The following HR variants were observed in gnomAD, a reference collection of about 807,000 sequenced individuals.
HR encodes the protein HR lysine demethylase and nuclear receptor corepressor.
A neutral mutation model predicts 128.6 loss-of-function variants in HR; 83 were observed. The ratio of observed to expected loss-of-function variants is 0.65; its 90% CI spans 0.54 to 0.77. The LOEUF is 0.77. Ranked by LOEUF, HR falls within the 30% of genes least tolerant of loss-of-function variation. HR has a pLI of 0.00. For missense variants in HR, 1,490 were observed against 1,574.6 expected (o/e 0.95, Z 0.91); for synonymous variants, 681 against 658.2 (o/e 1.03, Z -0.53).
At chr8:22,124,503 C>G (rs57358213) in intron 5 of HR, among the ~76,000 whole-genome samples, 7,779 of 152,256 alleles carry the variant, frequency 0.051, 670 homozygotes, top group African/African-American at 0.18. Context: ...GGTGCAGGGG[C>G]CTCAGAGGTG....
In HR at chr8:22,119,163, C is replaced by A; in HGVS notation, c.3097+1G>T. ...GCTCCTGCCTCTGGCCGAGGACCTA[C>A]CTTTCTGTGCCCGGTGCCAGGCAGG... On this transcript the variant is annotated splice_donor_variant, in intron 15 of 18. Transcript: ENST00000381418. LOFTEE classifies it high-confidence loss of function. 6.2e-7 allele frequency: 1 copy of A among 1,613,856 alleles called. No homozygotes were observed. Among genetic ancestry groups the A allele is most frequent in the Non-Finnish European group, 8.5e-7 (1 of 1,180,026 alleles).
At chr8:22,126,346 A>G (rs1586383389) in intron 3 of HR, among the ~76,000 whole-genome samples, 1 of 152,180 alleles carries the variant, frequency 6.6e-6, no homozygotes, top group African/African-American at 2.4e-5. Context: ...ATCCCAAAGA[A>G]CTAAGGCTGG....
intron 16 of HR, chr8:22,118,462 A>G: frequency 5.8e-6 from 1 of 172,762 alleles, no homozygotes; most frequent in Non-Finnish European, 1.3e-5. Context: ...CAAATACCAA[A>G]AGGTGGGCAG....
rs182130564 is a variant in HR at position 22,122,524 on chromosome 8, C to T, written c.2090G>A (p.Arg697Gln). ...GCCTGCATCCCCGGGGGCCCATACCCGGGCATCAGCTTGGCAGGGGCAGTG... is the reference window on the plus strand; with the variant it reads ...GCCTGCATCCCCGGGGGCCCATACCTGGGCATCAGCTTGGCAGGGGCAGTG... ...RGHCPCQADA[R>Q]VWAPGDAGQQ... The change falls in exon 8 of 19, where the codon CGG becomes CAG. Residue 697 changes from arginine to glutamine, a missense_variant. Arg to Gln is a conservative substitution (Grantham distance 43). Coordinates refer to ENST00000381418, the MANE Select transcript of HR (RefSeq NM_005144.5). 2.4e-5 allele frequency: 38 copies of T among 1,611,306 alleles called. No individual in the cohort carries two copies. Among genetic ancestry groups the T allele is most frequent in the Middle Eastern group, 1.7e-4 (1 of 6,056 alleles).
At chr8:22,123,617 T>TTTGGGGGGCCC in intron 6 of HR, 32 bp downstream of exon 6, 1 of 292,092 alleles carries the variant, frequency 3.4e-6, no homozygotes, top group African/African-American at 2.8e-5. Flanking sequence ...GAGGGCTCCA[T>TTTGGGGGGCCC]CCCGCCCTCC....
In HR at chr8:22,115,781, A is replaced by T. The variant is rs1055588050; in HGVS notation, c.3508-19T>A. 1 of 1,613,252 alleles carries T rather than the reference A, an allele frequency of 6.2e-7. No homozygotes were observed. The highest frequency in any genetic ancestry group is 8.5e-7 in the Non-Finnish European group (1 of 1,179,446). The stretch of plus-strand genomic sequence containing the variant: ...AGTCCATCTAGGAAAAAGAGAGAGG[A>T]CAAAGCATTTTCAACTACATTCCTG... On this transcript the variant is annotated intron_variant, in intron 18 of 18. Coordinates refer to ENST00000381418, the MANE Select transcript of HR (RefSeq NM_005144.5).
At chr8:22,118,649 G>A (rs893299615) in intron 16 of HR, 56 of 466,028 alleles carry the variant, frequency 1.2e-4, no homozygotes, top group Non-Finnish European at 1.8e-4. Context: ...GGGCTGAGAC[G>A]GGTAACAGAT....
rs770640725 is a variant in HR at position 22,125,511 on chromosome 8, A to G, written c.1557-7T>C. On this transcript the variant is annotated splice_polypyrimidine_tract_variant and splice_region_variant and intron_variant, in intron 4 of 18. Transcript: ENST00000381418. ...CTCCCCTCCCAGAGGCGATCTGGAG[A>G]GAGGGCAGGGGGAGGTGAGCAGGGA... is the stretch of plus-strand genomic sequence containing the variant. 1.9e-6 allele frequency: 3 copies of G among 1,613,284 alleles called. No individual in the cohort carries two copies. Among genetic ancestry groups the G allele is most frequent in the Admixed American group, 1.7e-5 (1 of 59,974 alleles).
chr8:22,127,927 T>A, intron 2 of HR, 98 bp from the exon 3 acceptor site: 1 of 1,200,258 alleles, frequency 8.3e-7, no homozygotes, highest in Non-Finnish European at 1.2e-6. Context: ...GGGAGAATAC[T>A]GAAGCCCTCA....
chr8:22,120,154 C>A lies in HR; in HGVS notation c.2796G>T (p.Glu932Asp). 1 of 1,593,270 alleles carries A rather than the reference C, an allele frequency of 6.3e-7. No individual in the cohort carries two copies. The highest frequency in any genetic ancestry group is 1.1e-5 in the South Asian group (1 of 87,856). The stretch of plus-strand genomic sequence containing the variant: ...CTCGGTGCAGCAGGAGGACAGAGCC[C>A]TCGTCTGACTTTGGGCGAACTACAG... ...SWPELRPKSD[E>D]GSVLLLHRAL... is the part of the protein sequence containing the mutation. The change falls in exon 13 of 19, where the codon GAG becomes GAT. Residue 932 changes from glutamate (E) to aspartate (D), a missense_variant. By Grantham distance (45) the Glu-to-Asp change is conservative. Around this residue, in one of 3 missense-constraint regions of HR, gnomAD observed 423 missense variants for 495.9 expected, o/e 0.85. Coordinates refer to ENST00000381418, the MANE Select transcript of HR (RefSeq NM_005144.5).
intron 14 of HR, 110 bp from the exon 15 acceptor site, chr8:22,119,393 G>T (rs901295228): frequency 1.4e-6 from 2 of 1,480,556 alleles, no homozygotes; most frequent in Non-Finnish European, 1.8e-6. Flanking sequence ...CAGATCACCT[G>T]AGGTCAGGAG....
At chr8:22,123,617 T>TGGCCCC in intron 6 of HR, 32 bp downstream of exon 6, 4 of 292,092 alleles carry the variant, frequency 1.4e-5, no homozygotes, top group East Asian at 1.1e-4. Context: ...GAGGGCTCCA[T>TGGCCCC]CCCGCCCTCC....
rs1465887353 is a variant in HR at position 22,128,610 on chromosome 8, T to C, written c.561A>G (p.Val187=). 50 of 1,607,486 alleles carry C rather than the reference T, an allele frequency of 3.1e-5. No homozygotes were observed. The highest frequency in any genetic ancestry group is 4.2e-5 in the Non-Finnish European group (50 of 1,177,946). The change falls in exon 2 of 19, where the codon GTA becomes GTG. Residue 187 remains valine, a synonymous_variant. Coordinates refer to ENST00000381418, the MANE Select transcript of HR (RefSeq NM_005144.5). ...GCACTTTGGGCTGGCCCCCGGAGTA[T>C]ACCCAGGGGTGCGGGGTCAGGGGCC... ...CDWPLTPHPW[V]YSGGQPKVPS...
chr8:22,123,617 T>TCACCCCCCCCCCCCCCC, intron 6 of HR, 32 bp downstream of exon 6: 1 of 292,092 alleles, frequency 3.4e-6, no homozygotes, highest in Non-Finnish European at 6.2e-6. Context: ...GAGGGCTCCA[T>TCACCCCCCCCCCCCCCC]CCCGCCCTCC....
At chr8:22,119,730 G>C (rs758515929) in intron 14 of HR, 30 bp downstream of exon 14, 14 of 1,588,474 alleles carry the variant, frequency 8.8e-6, no homozygotes, top group East Asian at 2.2e-5. Flanking sequence ...CATGGGAGTA[G>C]AGACTGGGCA....
rs143466437 is a variant in HR at position 22,127,278 on chromosome 8, C to T, written c.1164G>A (p.Ser388=). ...KLKKTWLTRH[S]EQFECPRGCP... is the part of the protein sequence containing the mutation. The stretch of plus-strand genomic sequence containing the variant: ...AGCCGCGTGGACATTCAAACTGCTC[C>T]GAGTGCCGTGTGAGCCATGTCTTCT... Residue 388 remains serine (S), a synonymous_variant, in exon 3 of 19, where the codon TCG becomes TCA. Coordinates refer to ENST00000381418, the MANE Select transcript of HR (RefSeq NM_005144.5). 72 of 1,613,120 alleles carry T rather than the reference C, an allele frequency of 4.5e-5. 2 individuals are homozygous for T. The South Asian group carries it at 6.1e-4, about 14-fold the overall frequency.
At position 22,121,050 on chromosome 8, in the gene HR, C is replaced by T. The variant is rs772166094; in HGVS notation, c.2367+15G>A. The stretch of plus-strand genomic sequence containing the variant: ...GTCCCCTGGCTCCTAGCCCTCCCTC[C>T]GTGCCCTCACTCACACTGGGCAGGG... On this transcript the variant is annotated intron_variant, in intron 10 of 18. Coordinates refer to ENST00000381418, the MANE Select transcript of HR (RefSeq NM_005144.5). 7.4e-6 allele frequency: 12 copies of T among 1,613,324 alleles called. No homozygotes were observed. The highest frequency in any genetic ancestry group is 1.6e-4 in the Middle Eastern group (1 of 6,082).
Position 22,115,743 on chromosome 8 carries a change from TG to T in HR, c.3526del (p.Gln1176LysfsTer3). On this transcript the variant is annotated frameshift_variant, in exon 19 of 19. Transcript: ENST00000381418. LOFTEE classifies it high-confidence loss of function. ...TGTCCCCACGGCCACCTTCACTGCT[TG>T]GAACACAGCCCAGTCCATCTAGGAA... The part of the protein sequence containing the change: ...LYAQMDWAVF[Q>X]AVKVAVGTLQ... 3 of 1,613,980 alleles carry T rather than the reference TG, an allele frequency of 1.9e-6. No homozygotes were observed. Among genetic ancestry groups the T allele is most frequent in the Non-Finnish European group, 2.5e-6 (3 of 1,179,988 alleles).
In HR at chr8:22,126,998, C is replaced by T. The variant is rs574044760; in HGVS notation, c.1405+39G>A. 24 of 1,587,198 alleles carry T rather than the reference C, an allele frequency of 1.5e-5. No individual in the cohort carries two copies. In the South Asian group the frequency reaches 2.7e-4, roughly 18 times the overall value. ...GCGAAGCCCCAGCCCCGGCTGCCCC[C>T]TCCCACGCAGGGCCTGCAGCCCCTC... On this transcript the variant is annotated intron_variant, in intron 3 of 18. Coordinates refer to ENST00000381418, the MANE Select transcript of HR (RefSeq NM_005144.5).
Sources: gnomAD v4.1 joint callset for allele counts (sites outside exome capture counted in the v4.1 genomes callset) on GRCh38, gnomAD v4.1.1 for gene constraint, gnomAD v4.1.1 regional missense constraint, MANE v1.5 for transcripts, NCBI Gene and HGNC (gene_info 2026-07-23, HGNC 2026-07-21) for gene names.